RIC1: variants seen among roughly 807,000 people sequenced by gnomAD.
The protein encoded by RIC1 is RIC1 partner of RAB6A GEF complex.
A neutral mutation model predicts 169.0 loss-of-function variants in RIC1; 88 were observed. That is an observed-to-expected ratio of 0.52 (90% confidence interval 0.44 to 0.62). RIC1 has a LOEUF of 0.62. RIC1 is among the 20% of genes least tolerant of loss of function. The pLI, the probability that RIC1 is intolerant of heterozygous loss-of-function variation, is 0.00. For missense variants in RIC1, 1,877 were observed against 1,725.5 expected (o/e 1.09, Z -1.56); for synonymous variants, 790 against 601.5 (o/e 1.31, Z -4.59).
At chr9:5,713,327 T>A (rs1179428198) in intron 3 of RIC1, 1 of 152,366 alleles carries the variant, frequency 6.6e-6, no homozygotes, top group African/African-American at 2.4e-5. Context: ...GACCCAGCAC[T>A]CTACTGCAGC....
At chr9:5,662,547 C>T (rs190157691) in intron 2 of RIC1, among the ~76,000 whole-genome samples, 3 of 151,146 alleles carry the variant, frequency 2.0e-5, no homozygotes, top group African/African-American at 7.3e-5. Flanking sequence ...GATTCAGTTT[C>T]TTCCTGGTTC....
At chr9:5,726,862 A>G (rs1184635751) in intron 6 of RIC1, among the ~76,000 whole-genome samples, 2 of 152,194 alleles carry the variant, frequency 1.3e-5, no homozygotes, top group African/African-American at 4.8e-5. Context: ...TCTTTTCTAT[A>G]AGAATGTTGA....
chr9:5,645,912 A>T (rs991119005), intron 1 of RIC1, among the ~76,000 whole-genome samples: 1 of 151,402 alleles, frequency 6.6e-6, no homozygotes, highest in Non-Finnish European at 1.5e-5. Flanking sequence ...GTACATACCC[A>T]GAAGTGGACC....
At chr9:5,634,083 A>G (rs1382532387) in intron 1 of RIC1, among the ~76,000 whole-genome samples, 1 of 152,080 alleles carries the variant, frequency 6.6e-6, no homozygotes, top group East Asian at 1.9e-4. Context: ...AGGCTGAATA[A>G]TATTTTATGT....
intron 2 of RIC1, among the ~76,000 whole-genome samples, chr9:5,685,454 C>G (rs1173768324): frequency 6.7e-6 from 1 of 149,304 alleles, no homozygotes. Flanking sequence ...CAGAACAGAG[C>G]CCTCAGAAAT....
intron 2 of RIC1, among the ~76,000 whole-genome samples, chr9:5,658,882 C>G (rs1458400589): frequency 6.7e-6 from 1 of 148,742 alleles, no homozygotes; most frequent in Non-Finnish European, 1.5e-5. Context: ...GGACCACCAT[C>G]TACCACTTAA....
At chr9:5,667,958 A>G (rs1819879202) in intron 2 of RIC1, among the ~76,000 whole-genome samples, 1 of 152,218 alleles carries the variant, frequency 6.6e-6, no homozygotes, top group African/African-American at 2.4e-5. Context: ...ATGCTGCTAT[A>G]AAGAACTGCC....
chr9:5,672,090 A>T (rs1167825825), intron 2 of RIC1, among the ~76,000 whole-genome samples: 1 of 152,206 alleles, frequency 6.6e-6, no homozygotes, highest in African/African-American at 2.4e-5. Flanking sequence ...ACTCAGAGAC[A>T]GTGCCTGAGA....
chr9:5,738,228 T>A (rs1009543722), intron 7 of RIC1, among the ~76,000 whole-genome samples: 3 of 152,208 alleles, frequency 2.0e-5, no homozygotes, highest in Non-Finnish European at 2.9e-5. Flanking sequence ...ATTGTACATA[T>A]CTCTAGTAAA....
chr9:5,749,253 A>G (rs551870640), intron 12 of RIC1, among the ~76,000 whole-genome samples: 2 of 152,326 alleles, frequency 1.3e-5, no homozygotes, highest in East Asian at 3.9e-4. Flanking sequence ...CTTGAGCTAA[A>G]ACTTAGAATT....
At chr9:5,670,691 C>T (rs1158447536) in intron 2 of RIC1, among the ~76,000 whole-genome samples, 2 of 152,154 alleles carry the variant, frequency 1.3e-5, no homozygotes, top group Non-Finnish European at 2.9e-5. Flanking sequence ...CCAACAGTTT[C>T]GTTTTGCCTG....
At chr9:5,743,654 A>G (rs1245001500) in intron 9 of RIC1, 35 bp from the exon 10 acceptor site, 1 of 1,518,770 alleles carries the variant, frequency 6.6e-7, no homozygotes. Flanking sequence ...TGTAATTGGA[A>G]GGCTGTATTA....
intron 15 of RIC1, among the ~76,000 whole-genome samples, 166 bp downstream of exon 15, chr9:5,755,096 C>G (rs1825928389): frequency 2.0e-5 from 3 of 152,134 alleles, no homozygotes; most frequent in South Asian, 4.1e-4. Context: ...CAGGTTATTA[C>G]TTTAAAAAAT....
chr9:5,658,873 G>A (rs1365361451), intron 2 of RIC1, among the ~76,000 whole-genome samples: 1 of 149,346 alleles, frequency 6.7e-6, no homozygotes, highest in Non-Finnish European at 1.5e-5. Context: ...TTACTTGAAG[G>A]ACCACCATCT....
chr9:5,668,837 A>C (rs1489777414), intron 2 of RIC1, among the ~76,000 whole-genome samples: 1 of 152,036 alleles, frequency 6.6e-6, no homozygotes, highest in Non-Finnish European at 1.5e-5. Flanking sequence ...CATTGAACAT[A>C]TTTAAGAGTG....
intron 1 of RIC1, among the ~76,000 whole-genome samples, chr9:5,637,529 G>A (rs898507145): frequency 1.3e-5 from 2 of 152,130 alleles, no homozygotes; most frequent in Non-Finnish European, 2.9e-5. Context: ...TAGTCACCCT[G>A]TTGTGCTATC....
intron 3 of RIC1, among the ~76,000 whole-genome samples, chr9:5,706,940 T>A (rs1822627468): frequency 6.6e-6 from 1 of 152,194 alleles, no homozygotes; most frequent in African/African-American, 2.4e-5. Context: ...CTAATTTTTA[T>A]CACATCCATC....
At chr9:5,705,192 GTTT>G (rs35035828) in intron 3 of RIC1, among the ~76,000 whole-genome samples, 5 of 113,412 alleles carry the variant, frequency 4.4e-5, no homozygotes, top group African/African-American at 9.6e-5. Context: ...TCCCATTTCT[GTTT>G]TTTTTTTTTT....
chr9:5,708,177 G>A (rs911646886), intron 3 of RIC1, among the ~76,000 whole-genome samples: 3 of 151,934 alleles, frequency 2.0e-5, no homozygotes, highest in Non-Finnish European at 2.9e-5. Context: ...CTATGTTCCC[G>A]TACATCTCCC....
Sources: allele counts gnomAD v4.1 joint callset (sites outside exome capture counted in the v4.1 genomes callset), GRCh38; gene constraint gnomAD v4.1.1; transcripts MANE v1.5; gene names NCBI Gene and HGNC (gene_info 2026-07-23, HGNC 2026-07-21).